LIPA: variants seen among roughly 807,000 people sequenced by gnomAD.
The protein encoded by LIPA is lysosomal acid lipase/cholesteryl ester hydrolase.
LIPA carries 26 observed loss-of-function variants against 40.6 expected under a neutral mutation model. The ratio of observed to expected loss-of-function variants is 0.64; its 90% CI spans 0.47 to 0.89. LIPA has a LOEUF of 0.89. LIPA is among the 40% of genes least tolerant of loss of function. LIPA has a pLI of 0.00. For missense variants in LIPA, 455 were observed against 479.6 expected (o/e 0.95, Z 0.48); for synonymous variants, 188 against 168.4 (o/e 1.12, Z -0.90).
At chr10:89,414,515 C>T (rs1049279342) in exon 1 of LIPA, 1 of 422,672 alleles carries the variant, frequency 2.4e-6, no homozygotes, top group East Asian at 3.9e-5. Context: ...TTGAGCTCTT[C>T]TATTAAGTTT....
chr10:89,387,432 T>C (rs1053497385), intron 2 of LIPA, among the ~76,000 whole-genome samples: 2 of 152,166 alleles, frequency 1.3e-5, no homozygotes, highest in African/African-American at 4.8e-5. Context: ...TCTAAAGTGC[T>C]GCTTTTATCA....
intron 2 of LIPA, among the ~76,000 whole-genome samples, chr10:89,350,261 G>T (rs1187347653): frequency 7.2e-6 from 1 of 138,210 alleles, no homozygotes; most frequent in Non-Finnish European, 1.6e-5. Flanking sequence ...AGGTGCACCG[G>T]CCCAGTCAGA....
At chr10:89,226,207 CAT>C (rs780139584) in intron 5 of LIPA, among the ~76,000 whole-genome samples, 5 of 152,166 alleles carry the variant, frequency 3.3e-5, no homozygotes, top group Non-Finnish European at 4.4e-5. Flanking sequence ...AATATAACCA[CAT>C]GTTTTGAGAC....
intron 1 of LIPA, among the ~76,000 whole-genome samples, chr10:89,328,696 C>T (rs894339480): frequency 3.9e-5 from 6 of 152,044 alleles, no homozygotes; most frequent in African/African-American, 1.4e-4. Flanking sequence ...AAAACAAACC[C>T]AAAGCTTAGC....
intron 2 of LIPA, among the ~76,000 whole-genome samples, chr10:89,391,608 C>A (rs955207267): frequency 6.6e-6 from 1 of 151,960 alleles, no homozygotes; most frequent in Non-Finnish European, 1.5e-5. Context: ...CGGCTCACTG[C>A]AACCTCTGCC....
intron 1 of LIPA, among the ~76,000 whole-genome samples, chr10:89,304,187 C>G (rs1843463160): frequency 6.6e-6 from 1 of 152,076 alleles, no homozygotes; most frequent in South Asian, 2.1e-4. Flanking sequence ...TAGGAAGGAC[C>G]CGCCTTCCAT....
Position 89,228,373 on chromosome 10 carries a change from T to C in LIPA, c.255A>G (p.Gln85=). The C allele has an allele frequency of 6.2e-7, 1 of 1,614,242 alleles. No homozygotes were observed. ...TACTAGAATCTGCCAGCAAGCCATG[T>C]TGCAGGAAGACAACTGGTTTGGGAC... ...DKGPKPVVFL[Q]HGLLADSSNW... Residue 85 remains glutamine, a synonymous_variant, in exon 4 of 10, where the codon CAA becomes CAG. Transcript: ENST00000336233.
At chr10:89,216,352 G>A (rs1842626005) in intron 8 of LIPA, among the ~76,000 whole-genome samples, 1 of 151,026 alleles carries the variant, frequency 6.6e-6, no homozygotes, top group South Asian at 2.1e-4. Flanking sequence ...TTTTCAAAGA[G>A]TTAGTCATTT....
rs1432925077 is a variant in LIPA at position 89,227,871 on chromosome 10, G to GA, written c.428+328dup. On this transcript the variant is annotated intron_variant, in intron 4 of 9. Coordinates refer to ENST00000336233, the MANE Select transcript of LIPA (RefSeq NM_000235.4). ...AGGAAAGGATAATTTCTGGAAAGAA[G>GA]AAAAGTGAACATCTGGATTACATAT... Among the ~76,000 whole-genome samples, 7 of 152,318 alleles carry GA rather than the reference G, an allele frequency of 4.6e-5. No individual in the cohort carries two copies. The South Asian group carries it at 6.2e-4, about 14-fold the overall frequency.
intron 2 of LIPA, among the ~76,000 whole-genome samples, chr10:89,382,323 GAGGTAAATATACTTACAT>G (rs1275811032): frequency 6.6e-6 from 1 of 152,152 alleles, no homozygotes; most frequent in Non-Finnish European, 1.5e-5. Flanking sequence ...TTAGAACACA[GAGGTAAATATACTTACAT>G]AGGATGTGAG....
upstream of LIPA, among the ~76,000 whole-genome samples, chr10:89,254,095 G>T (rs571352394): frequency 1.3e-5 from 2 of 152,336 alleles, no homozygotes; most frequent in African/African-American, 4.8e-5. Flanking sequence ...CCATTCTGGG[G>T]TCTGGAGGAC....
chr10:89,363,076 C>A, intron 2 of LIPA: 2 of 226,270 alleles, frequency 8.8e-6, no homozygotes, highest in Non-Finnish European at 1.9e-5. Flanking sequence ...CTATATGCAG[C>A]CCAGTTTTAT....
chr10:89,314,193 A>C (rs1482117417), intron 1 of LIPA, among the ~76,000 whole-genome samples: 1 of 152,192 alleles, frequency 6.6e-6, no homozygotes, highest in Non-Finnish European at 1.5e-5. Flanking sequence ...TAGATAAGTT[A>C]TGTATTCTAT....
chr10:89,379,768 C>A (rs546008114), intron 2 of LIPA, among the ~76,000 whole-genome samples: 51 of 152,288 alleles, frequency 3.3e-4, no homozygotes, highest in Non-Finnish European at 5.1e-4. Context: ...GGCATGGTGG[C>A]TCACACCTGT....
At chr10:89,326,580 AAG>A (rs1279645151) in intron 1 of LIPA, among the ~76,000 whole-genome samples, 1 of 152,216 alleles carries the variant, frequency 6.6e-6, no homozygotes, top group Non-Finnish European at 1.5e-5. Flanking sequence ...AAATAACTAA[AAG>A]AGTATAATTG....
At chr10:89,260,831 A>G (rs73357798) in intron 1 of LIPA, among the ~76,000 whole-genome samples, 1,617 of 152,318 alleles carry the variant, frequency 0.011, 38 homozygotes, top group African/African-American at 0.037. Context: ...AAGCGCTGAT[A>G]AAAGGTTTAC....
chr10:89,336,215 G>A (rs1014617818), intron 1 of LIPA, among the ~76,000 whole-genome samples: 2 of 151,456 alleles, frequency 1.3e-5, no homozygotes, highest in Admixed American at 1.3e-4. Context: ...AATAGGGAGG[G>A]AGGAAGAGAG....
At chr10:89,262,869 C>T (rs953126902) in intron 1 of LIPA, among the ~76,000 whole-genome samples, 8 of 152,220 alleles carry the variant, frequency 5.3e-5, no homozygotes, top group African/African-American at 1.9e-4. Context: ...GGACTCTTGT[C>T]TAGGATTCCT....
chr10:89,371,033 C>G (rs996278626), intron 2 of LIPA, among the ~76,000 whole-genome samples: 1 of 152,104 alleles, frequency 6.6e-6, no homozygotes, highest in Non-Finnish European at 1.5e-5. Context: ...AACAAACAAA[C>G]AAACAAAAAA....
Sources: gnomAD v4.1 joint callset for allele counts (sites outside exome capture counted in the v4.1 genomes callset) on GRCh38, gnomAD v4.1.1 for gene constraint, MANE v1.5 for transcripts, NCBI Gene and HGNC (gene_info 2026-07-23, HGNC 2026-07-21) for gene names.